CDK17: variants seen among roughly 807,000 people sequenced by gnomAD.
CDK17 encodes cyclin-dependent kinase 17.
In CDK17, 24 loss-of-function variants were observed where a neutral mutation model predicts 77.6. The observed-to-expected ratio is 0.31, with a 90% CI of 0.22 to 0.44. The LOEUF is 0.44. Ranked by LOEUF, CDK17 falls within the 20% of genes least tolerant of loss-of-function variation. The pLI, the probability that CDK17 is intolerant of heterozygous loss-of-function variation, is 1.00. For synonymous variants in CDK17, 203 were observed against 210.4 expected, an observed-to-expected ratio of 0.96 and a Z score of 0.30; for missense variants, 429 against 622.5, an observed-to-expected ratio of 0.69 and a Z score of 3.31.
At chr12:96,326,996 T>A (rs1445923734) in intron 2 of CDK17, among the ~76,000 whole-genome samples, 3 of 152,120 alleles carry the variant, frequency 2.0e-5, no homozygotes, top group Admixed American at 2.0e-4. Flanking sequence ...TTAAAGATAG[T>A]AGGAGGTAAG....
chr12:96,285,986 C>T, intron 13 of CDK17, 57 bp downstream of exon 13: 2 of 853,108 alleles, frequency 2.3e-6, no homozygotes, highest in Admixed American at 1.8e-5. Context: ...GCTAATCCTT[C>T]AAAAGATTGA....
chr12:96,321,809 TGGGGTGG>T (rs1952818713), intron 3 of CDK17, among the ~76,000 whole-genome samples: 1 of 95,008 alleles, frequency 1.1e-5, no homozygotes, highest in Non-Finnish European at 2.1e-5. Flanking sequence ...GGGACTGTGG[TGGGGTGG>T]GGGGAGGGGG....
At chr12:96,301,497 A>G (rs1952503531) in intron 5 of CDK17, among the ~76,000 whole-genome samples, 1 of 152,146 alleles carries the variant, frequency 6.6e-6, no homozygotes. Flanking sequence ...GAGAGCAGAA[A>G]TATTTTAAAA....
intron 1 of CDK17, among the ~76,000 whole-genome samples, chr12:96,389,026 T>TTTACTA (rs147953324): frequency 6.6e-6 from 1 of 150,856 alleles, no homozygotes; most frequent in African/African-American, 2.4e-5. Context: ...CTCACTTTTT[T>TTTACTA]TTATTATTAT....
At position 96,339,183 on chromosome 12, in the gene CDK17, A is replaced by G. The variant is rs376590343; in HGVS notation, c.-29-4318T>C. ...AAATGTTATTACAGAATTAATTCATATAACAGTAACATTCTGTAACACAGA... is the reference window on the plus strand; with the variant it reads ...AAATGTTATTACAGAATTAATTCATGTAACAGTAACATTCTGTAACACAGA... On this transcript the variant is annotated intron_variant, in intron 1 of 16. Transcript: ENST00000261211. Among the ~76,000 whole-genome samples the G allele has an allele frequency of 1.2e-4, 19 of 152,378 alleles. No homozygotes were observed. In the East Asian group the frequency reaches 2.9e-3, roughly 23 times the overall value.
chr12:96,387,022 A>C, intron 1 of CDK17: 1 of 317,450 alleles, frequency 3.2e-6, no homozygotes, highest in South Asian at 3.7e-5. Context: ...TTACTTCCTC[A>C]AATTTGTGTT....
chr12:96,325,387 C>T (rs1373088799), intron 2 of CDK17, among the ~76,000 whole-genome samples: 1 of 152,210 alleles, frequency 6.6e-6, no homozygotes, highest in Non-Finnish European at 1.5e-5. Flanking sequence ...CTACCTGTTT[C>T]TCAACTAAGG....
rs921084745 is a variant in CDK17, at chr12:96,279,492, T to C, written c.*750A>G. The C allele has an allele frequency of 2.0e-5, 3 of 152,186 alleles. No homozygotes were observed. Among genetic ancestry groups the C allele is most frequent in the African/African-American group, 7.2e-5 (3 of 41,454 alleles). The allele number at this position is 152,186 out of a possible 1,614,324, so 9.4% of individuals were successfully genotyped here. Reference sequence around the variant, plus strand: ...AGGTAAGTGTATTAGTATACAAATATCCAGTAATATGCAGTAGACGTTTCT... The same window carrying C: ...AGGTAAGTGTATTAGTATACAAATACCCAGTAATATGCAGTAGACGTTTCT... On this transcript the variant is annotated 3_prime_UTR_variant, in exon 17 of 17. Coordinates refer to ENST00000261211, the MANE Select transcript of CDK17 (RefSeq NM_002595.5).
At chr12:96,333,646 C>T (rs1202618319) in intron 2 of CDK17, among the ~76,000 whole-genome samples, 1 of 149,714 alleles carries the variant, frequency 6.7e-6, no homozygotes, top group African/African-American at 2.5e-5. Context: ...TGCACTCCAG[C>T]CTGGGCAGCA....
rs1369412044 is a variant in CDK17 at position 96,341,310 on chromosome 12, C to T, written c.-29-6445G>A. Reference sequence around the variant, plus strand: ...CTTAGTTTTTACTCATAGCACTTATCATATACATACACACACACACACACA... The same window carrying T: ...CTTAGTTTTTACTCATAGCACTTATTATATACATACACACACACACACACA... On this transcript the variant is annotated intron_variant, in intron 1 of 16. Coordinates refer to ENST00000261211, the MANE Select transcript of CDK17 (RefSeq NM_002595.5). 7.5e-5 allele frequency among the ~76,000 whole-genome samples: 6 copies of T among 80,370 alleles called. No individual in the cohort carries two copies. In the Admixed American group the frequency reaches 8.8e-4, roughly 12 times the overall value. 52.7% of individuals were successfully genotyped at this position (80,370 alleles called of 152,430 possible). A position where few individuals can be genotyped will look rare whatever the true frequency, so the allele number is the denominator to read the frequency against.
At chr12:96,326,356 T>C (rs185435831) in intron 2 of CDK17, among the ~76,000 whole-genome samples, 2 of 152,310 alleles carry the variant, frequency 1.3e-5, no homozygotes, top group East Asian at 1.9e-4. Context: ...ACAGGCGATA[T>C]GCAAAAGACT....
intron 3 of CDK17, among the ~76,000 whole-genome samples, chr12:96,318,545 G>A (rs1191460834): frequency 1.4e-5 from 2 of 145,828 alleles, no homozygotes; most frequent in African/African-American, 2.6e-5. Context: ...CCACATAGTT[G>A]GAAGTAAAGC....
At chr12:96,339,626 A>G (rs1043431151) in intron 1 of CDK17, among the ~76,000 whole-genome samples, 2 of 152,054 alleles carry the variant, frequency 1.3e-5, no homozygotes, top group South Asian at 2.1e-4. Context: ...GTTAATAACT[A>G]TTATATTAAT....
intron 4 of CDK17, among the ~76,000 whole-genome samples, chr12:96,312,208 T>A (rs548806882): frequency 6.6e-6 from 1 of 152,176 alleles, no homozygotes; most frequent in East Asian, 1.9e-4. Flanking sequence ...GCCCAGGAGG[T>A]TGAGGCTGTG....
At chr12:96,374,516 TCTTAA>T (rs1432276226) in intron 1 of CDK17, among the ~76,000 whole-genome samples, 1 of 152,208 alleles carries the variant, frequency 6.6e-6, no homozygotes, top group Non-Finnish European at 1.5e-5. Context: ...TGCTCAGGCC[TCTTAA>T]CTTTGCACAA....
chr12:96,333,167 A>C (rs992053811), intron 2 of CDK17, among the ~76,000 whole-genome samples: 13 of 152,098 alleles, frequency 8.5e-5, no homozygotes, highest in Admixed American at 4.6e-4. Flanking sequence ...CCCACCAAAA[A>C]TTCAATGAGG....
intron 1 of CDK17, among the ~76,000 whole-genome samples, chr12:96,396,194 G>C (rs1337222282): frequency 1.3e-5 from 2 of 152,188 alleles, no homozygotes; most frequent in African/African-American, 2.4e-5. Context: ...GGGAGAGGCA[G>C]ACAGGCTGGG....
rs956739919 is a variant in CDK17, at chr12:96,279,393, C to T, written c.*849G>A. The T allele has an allele frequency of 1.3e-5, 2 of 151,848 alleles. No homozygotes were observed. Among genetic ancestry groups the T allele is most frequent in the Admixed American group, 6.5e-5 (1 of 15,280 alleles). The allele number at this position is 151,848 out of a possible 1,614,324, so 9.4% of individuals were successfully genotyped here. On this transcript the variant is annotated 3_prime_UTR_variant, in exon 17 of 17. Coordinates refer to ENST00000261211, the MANE Select transcript of CDK17 (RefSeq NM_002595.5). The stretch of plus-strand genomic sequence containing the variant: ...ATAAAATAAATGTATTTAAAACAAA[C>T]AAAGCAAGACCTTTCGCGTTTGAAC...
At chr12:96,324,216 T>C (rs1336834726) in intron 2 of CDK17, 104 bp from the exon 3 acceptor site, 2 of 735,788 alleles carry the variant, frequency 2.7e-6, no homozygotes, top group Non-Finnish European at 4.2e-6. Context: ...CAGAGATTAG[T>C]ACATTTAGCC....
Sources: gnomAD v4.1 joint callset for allele counts (sites outside exome capture counted in the v4.1 genomes callset) on GRCh38, gnomAD v4.1.1 for gene constraint, MANE v1.5 for transcripts, NCBI Gene and HGNC (gene_info 2026-07-23, HGNC 2026-07-21) for gene names.